Variants in ABLIM2 observed in about 807,000 individuals in gnomAD.
ABLIM2 encodes actin binding LIM protein family member 2.
A neutral mutation model predicts 97.7 loss-of-function variants in ABLIM2; 53 were observed. The observed-to-expected ratio is 0.54, with a 90% confidence interval of 0.44 to 0.68. The LOEUF is 0.68. Among genes scored for constraint, ABLIM2 ranks in the 30% least tolerant of loss-of-function variants. The pLI is 0.00. For missense variants in ABLIM2, 835 were observed against 867.2 expected, an observed-to-expected ratio of 0.96 and a Z score of 0.47; for synonymous variants, 361 against 345.8, an observed-to-expected ratio of 1.04 and a Z score of -0.49.
chr4:7,971,339 C>T (rs905862935), intron 20 of ABLIM2, among the ~76,000 whole-genome samples: 2 of 152,162 alleles, frequency 1.3e-5, no homozygotes, highest in Non-Finnish European at 2.9e-5. Flanking sequence ...GTGCACCTCA[C>T]CCCCAGGGCC....
At position 7,998,676 on chromosome 4, in the gene ABLIM2, G is replaced by T; in HGVS notation, c.1619-5749C>A. ...CCTCGTCACCTTTTGCCACCACATG[G>T]GAGGCTGGGAGTCTGCAGGTCTGGG... On this transcript the variant is annotated intron_variant, in intron 16 of 20. Coordinates refer to ENST00000447017, the MANE Select transcript of ABLIM2 (RefSeq NM_001130083.2). The surrounding 1 kb of genome is among the most constrained non-coding windows in gnomAD (Gnocchi z 6.4). 1 of 510,696 alleles carries T rather than the reference G, an allele frequency of 2.0e-6. No homozygotes were observed. 31.6% of individuals were successfully genotyped at this position (510,696 alleles called of 1,614,324 possible).
chr4:8,088,044 C>T (rs1402419549), intron 4 of ABLIM2, 125 bp downstream of exon 4: 5 of 383,426 alleles, frequency 1.3e-5, no homozygotes, highest in South Asian at 2.7e-5. Flanking sequence ...CCCCACTCAG[C>T]GCCCCCCAGC....
chr4:7,984,798 C>T (rs563411712), intron 18 of ABLIM2, 41 bp downstream of exon 18: 3 of 1,551,354 alleles, frequency 1.9e-6, no homozygotes, highest in Admixed American at 3.9e-5. Context: ...TTAGCGACCC[C>T]TGCCCCAGCC....
chr4:8,036,321 G>C, intron 9 of ABLIM2, 26 bp from the exon 10 acceptor site: 4 of 1,611,218 alleles, frequency 2.5e-6, no homozygotes, highest in Non-Finnish European at 2.5e-6. Flanking sequence ...GAATTGGGGA[G>C]GGGACAGTCA....
chr4:8,065,349 A>C (rs78887024), intron 6 of ABLIM2, among the ~76,000 whole-genome samples: 6,058 of 152,322 alleles, frequency 0.04, 430 homozygotes, highest in African/African-American at 0.14. Flanking sequence ...AAGATGCTCA[A>C]CATCCTTGTC....
chr4:8,146,265 A>T (rs1199589323), intron 1 of ABLIM2, among the ~76,000 whole-genome samples: 1 of 152,178 alleles, frequency 6.6e-6, no homozygotes, highest in Non-Finnish European at 1.5e-5. Context: ...AAATCCTTTC[A>T]ATAACAACAC....
intron 11 of ABLIM2, among the ~76,000 whole-genome samples, chr4:8,029,289 A>G (rs926929250): frequency 6.6e-5 from 10 of 152,218 alleles, no homozygotes; most frequent in Admixed American, 2.0e-4. Flanking sequence ...CAGCCGGCCA[A>G]CGTCTGCTCT....
At chr4:8,064,911 G>T (rs1389793951) in intron 6 of ABLIM2, among the ~76,000 whole-genome samples, 1 of 152,130 alleles carries the variant, frequency 6.6e-6, no homozygotes, top group Non-Finnish European at 1.5e-5. Context: ...ACAAAGCAAA[G>T]ACCTAAACGC....
chr4:8,100,144 A>T (rs529316556), intron 2 of ABLIM2, among the ~76,000 whole-genome samples: 3 of 151,924 alleles, frequency 2.0e-5, no homozygotes, highest in African/African-American at 7.3e-5. Context: ...TTTGGCACTG[A>T]CTCTAAGGAA....
intron 3 of ABLIM2, among the ~76,000 whole-genome samples, chr4:8,094,085 TC>T (rs1298964401): frequency 3.9e-5 from 6 of 152,214 alleles, no homozygotes; most frequent in African/African-American, 9.7e-5. Context: ...GATATTTTCT[TC>T]CAAAATACCC....
In ABLIM2 at chr4:8,127,375, GC is replaced by G. The variant is rs558670683; in HGVS notation, c.11-20739del. ...GCCTGCACCCACTGGCGCTCGTGGTGCCGGCGCTCATGACCTTCACGCAGGG... is the reference window on the plus strand; with the variant it reads ...GCCTGCACCCACTGGCGCTCGTGGTGCGGCGCTCATGACCTTCACGCAGGG... On this transcript the variant is annotated intron_variant, in intron 1 of 20. Coordinates refer to ENST00000447017, the MANE Select transcript of ABLIM2 (RefSeq NM_001130083.2). The surrounding 1 kb of genome is among the most constrained non-coding windows in gnomAD (Gnocchi z 7.3). Among the ~76,000 whole-genome samples the G allele has an allele frequency of 5.3e-4, 80 of 152,278 alleles. 1 individual carries two copies. Among genetic ancestry groups the G allele is most frequent in the African/African-American group, 1.8e-3 (76 of 41,556 alleles).
rs1271628120 is a variant in ABLIM2 at position 7,996,149 on chromosome 4, G to C, written c.1619-3222C>G. On this transcript the variant is annotated intron_variant, in intron 16 of 20. Coordinates refer to ENST00000447017, the MANE Select transcript of ABLIM2 (RefSeq NM_001130083.2). This position sits in a 1 kb window ranked among gnomAD's most constrained non-coding sequence, Gnocchi z 4.5. Reference sequence around the variant, plus strand: ...GGTGGTTCTCAAACTGGCATCCCCAGCTAGCAGCCCCAACCTTGCCAGGGA... The same window carrying C: ...GGTGGTTCTCAAACTGGCATCCCCACCTAGCAGCCCCAACCTTGCCAGGGA... 6.6e-6 allele frequency among the ~76,000 whole-genome samples: 1 copy of C among 152,198 alleles called. No individual in the cohort carries two copies. Among genetic ancestry groups the C allele is most frequent in the Non-Finnish European group, 1.5e-5 (1 of 68,028 alleles).
intron 20 of ABLIM2, among the ~76,000 whole-genome samples, chr4:7,967,935 C>T (rs981396435): frequency 3.9e-5 from 6 of 152,224 alleles, no homozygotes; most frequent in African/African-American, 1.4e-4. Context: ...TGTGGAGCTC[C>T]TTGCCAAGCA....
chr4:8,007,378 G>C (rs896361599), intron 16 of ABLIM2: 2 of 985,374 alleles, frequency 2.0e-6, no homozygotes, highest in Non-Finnish European at 2.4e-6. Context: ...CTGCTTCGAA[G>C]CTAAGCCCAA....
At position 8,150,078 on chromosome 4, in the gene ABLIM2, G is replaced by C. The variant is rs760233942; in HGVS notation, c.10+8602C>G. 1.3e-5 allele frequency among the ~76,000 whole-genome samples: 2 copies of C among 152,220 alleles called. No individual in the cohort carries two copies. The highest frequency in any genetic ancestry group is 4.8e-5 in the African/African-American group (2 of 41,454). On this transcript the variant is annotated intron_variant, in intron 1 of 20. Transcript: ENST00000447017. This position sits in a 1 kb window ranked among gnomAD's most constrained non-coding sequence, Gnocchi z 6.3. The stretch of plus-strand genomic sequence containing the variant: ...CCTACTCAGGGAGCCTAAATGGAGA[G>C]AGTTGTGGGGCAAAGGGGTTGGAAC...
chr4:7,978,140 G>A (rs1043944519), intron 20 of ABLIM2, among the ~76,000 whole-genome samples: 1 of 152,092 alleles, frequency 6.6e-6, no homozygotes, highest in East Asian at 1.9e-4. Context: ...AACACCAGGG[G>A]TCCCTTTCTC....
intron 8 of ABLIM2, among the ~76,000 whole-genome samples, chr4:8,048,609 C>A (rs1445238661): frequency 2.0e-5 from 3 of 152,218 alleles, no homozygotes; most frequent in Non-Finnish European, 4.4e-5. Flanking sequence ...ATTGCCGGGA[C>A]CGTCTCGCTC....
rs1173388281 is a variant in ABLIM2 at position 8,032,932 on chromosome 4, C to A, written c.1048-3156G>T. 6.6e-6 allele frequency among the ~76,000 whole-genome samples: 1 copy of A among 152,198 alleles called. No homozygotes were observed. The highest frequency in any genetic ancestry group is 2.4e-5 in the African/African-American group (1 of 41,444). On this transcript the variant is annotated intron_variant, in intron 10 of 20. Coordinates refer to ENST00000447017, the MANE Select transcript of ABLIM2 (RefSeq NM_001130083.2). This position sits in a 1 kb window ranked among gnomAD's most constrained non-coding sequence, Gnocchi z 4.3. ...TGATTTCGTGCCAATGAGCCCAGAG[C>A]TTGTCTCTACCTGGCCACCCCCACG... is the stretch of plus-strand genomic sequence containing the variant.
chr4:7,992,965 ACT>A lies in ABLIM2; in HGVS notation c.1619-40_1619-39del. 1 of 1,605,090 alleles carries A rather than the reference ACT, an allele frequency of 6.2e-7. No individual in the cohort carries two copies. Among genetic ancestry groups the A allele is most frequent in the Non-Finnish European group, 8.5e-7 (1 of 1,175,196 alleles). On this transcript the variant is annotated intron_variant, in intron 16 of 20. Transcript: ENST00000447017. This position sits in a 1 kb window ranked among gnomAD's most constrained non-coding sequence, Gnocchi z 5.7. The stretch of plus-strand genomic sequence containing the variant: ...CAGCACAGCTTTGTCACGCGCGCAG[ACT>A]CGGTGCAGCAATGGGGGTGCAGCCC...
Sources: gnomAD v4.1 joint callset for allele counts (sites outside exome capture counted in the v4.1 genomes callset) on GRCh38, gnomAD v4.1.1 for gene constraint, Gnocchi (gnomAD v3.1) non-coding constraint, MANE v1.5 for transcripts, NCBI Gene and HGNC (gene_info 2026-07-23, HGNC 2026-07-21) for gene names.